C12orf54: variants seen among roughly 807,000 people sequenced by gnomAD.
C12orf54 encodes the protein chromosome 12 open reading frame 54.
Under a neutral mutation model 26.4 loss-of-function variants are expected in C12orf54, and 24 were observed. That is an observed-to-expected ratio of 0.91 (90% CI 0.66 to 1.28). C12orf54 has a LOEUF of 1.28. C12orf54 is among the 50% of genes most tolerant of loss of function. The pLI is 0.00. For synonymous variants in C12orf54, 54 were observed against 47.0 expected, an observed-to-expected ratio of 1.15 and a Z score of -0.61; for missense variants, 154 against 150.9, an observed-to-expected ratio of 1.02 and a Z score of -0.11.
the C12orf54 span, among the ~76,000 whole-genome samples, chr12:48,459,556 A>G: frequency 1.3e-5 from 2 of 152,116 alleles, no homozygotes; most frequent in South Asian, 4.1e-4. Flanking sequence ...TCATGTGAGT[A>G]AAAAAATAGA....
At chr12:48,457,281 TTGTTGGTGG>T in the C12orf54 span, among the ~76,000 whole-genome samples, 2 of 115,650 alleles carry the variant, frequency 1.7e-5, no homozygotes, top group Non-Finnish European at 3.7e-5. Flanking sequence ...TTTGTTGTTG[TTGTTGGTGG>T]TGGTGGTGGT....
chr12:48,488,495 AGAAAG>A, intron 4 of C12orf54: 2 of 334,116 alleles, frequency 6.0e-6, no homozygotes, highest in South Asian at 5.3e-5. Flanking sequence ...AAAAAAAAAA[AGAAAG>A]AAAGAAAAGA....
chr12:48,468,453 G>A, the C12orf54 span, among the ~76,000 whole-genome samples: 1 of 152,250 alleles, frequency 6.6e-6, no homozygotes, highest in South Asian at 2.1e-4. Flanking sequence ...AGGGTTTTGA[G>A]GAAGGCTGTG....
the C12orf54 span, among the ~76,000 whole-genome samples, chr12:48,413,443 C>T: frequency 0.14 from 21,723 of 152,194 alleles, 2,080 homozygotes; most frequent in Non-Finnish European, 0.22. Flanking sequence ...AAGAAGAGGG[C>T]GGTCCTGAGG....
the C12orf54 span, among the ~76,000 whole-genome samples, chr12:48,466,058 G>A: frequency 2.6e-5 from 4 of 152,082 alleles, no homozygotes; most frequent in African/African-American, 9.7e-5. Context: ...AGGAAAAATT[G>A]ATATATTGAA....
At chr12:48,431,403 CTT>C in the C12orf54 span, among the ~76,000 whole-genome samples, 43 of 152,212 alleles carry the variant, frequency 2.8e-4, no homozygotes, top group Non-Finnish European at 5.1e-4. Flanking sequence ...ATGTTGGAAA[CTT>C]TTCATTTTCA....
the C12orf54 span, among the ~76,000 whole-genome samples, chr12:48,441,827 C>A: frequency 6.6e-6 from 1 of 152,052 alleles, no homozygotes; most frequent in African/African-American, 2.4e-5. Context: ...ACCTTTTCTT[C>A]AGTATTTTTC....
At chr12:48,432,031 T>C in the C12orf54 span, among the ~76,000 whole-genome samples, 1 of 152,224 alleles carries the variant, frequency 6.6e-6, no homozygotes, top group East Asian at 1.9e-4. Flanking sequence ...AAAAAAATTA[T>C]AGTATCTCAC....
At chr12:48,462,078 A>G in the C12orf54 span, among the ~76,000 whole-genome samples, 3 of 151,554 alleles carry the variant, frequency 2.0e-5, no homozygotes, top group African/African-American at 7.2e-5. Flanking sequence ...TACAAATTGT[A>G]TAGATATGAA....
the C12orf54 span, chr12:48,472,575 T>C: frequency 6.7e-7 from 1 of 1,489,428 alleles, no homozygotes; most frequent in Non-Finnish European, 9.2e-7. Context: ...CCAGCAGAGC[T>C]GGTTGAGCTT....
At chr12:48,476,139 C>T in the C12orf54 span, among the ~76,000 whole-genome samples, 18 of 152,208 alleles carry the variant, frequency 1.2e-4, no homozygotes, top group Admixed American at 3.3e-4. Context: ...TCATATCAGC[C>T]AAACTAAGCT....
chr12:48,480,774 C>G (rs187854555), upstream of C12orf54, among the ~76,000 whole-genome samples: 2 of 152,130 alleles, frequency 1.3e-5, no homozygotes, highest in Non-Finnish European at 1.5e-5. Flanking sequence ...TATCGCAGCA[C>G]TATTCACAAT....
chr12:48,474,374 G>A, the C12orf54 span, among the ~76,000 whole-genome samples: 1 of 152,176 alleles, frequency 6.6e-6, no homozygotes, highest in Admixed American at 6.5e-5. Context: ...CATCTCACTG[G>A]GGAGTGCCAG....
the C12orf54 span, among the ~76,000 whole-genome samples, chr12:48,435,100 A>G: frequency 6.6e-6 from 1 of 152,242 alleles, no homozygotes; most frequent in South Asian, 2.1e-4. Flanking sequence ...TGGCACGAGA[A>G]CTACCTGACA....
chr12:48,453,377 G>A, the C12orf54 span, among the ~76,000 whole-genome samples: 2 of 151,394 alleles, frequency 1.3e-5, no homozygotes, highest in African/African-American at 4.8e-5. Flanking sequence ...CAGGAAGAAT[G>A]GCTAGTGGAT....
At chr12:48,480,140 G>T (rs1439327719), upstream of C12orf54, among the ~76,000 whole-genome samples, 1 of 152,102 alleles carries the variant, frequency 6.6e-6, no homozygotes, top group African/African-American at 2.4e-5. Flanking sequence ...CAATCAAGTT[G>T]GGCCAACCTT....
At chr12:48,435,180 A>T in the C12orf54 span, among the ~76,000 whole-genome samples, 1 of 152,228 alleles carries the variant, frequency 6.6e-6, no homozygotes, top group African/African-American at 2.4e-5. Flanking sequence ...GATGAAATGA[A>T]TGAAATGAAG....
the C12orf54 span, among the ~76,000 whole-genome samples, chr12:48,428,229 A>G: frequency 6.6e-6 from 1 of 152,018 alleles, no homozygotes; most frequent in African/African-American, 2.4e-5. Context: ...CTGAAAGAGC[A>G]CAAACTGACA....
chr12:48,419,789 C>G, the C12orf54 span, among the ~76,000 whole-genome samples: 1 of 152,120 alleles, frequency 6.6e-6, no homozygotes, highest in African/African-American at 2.4e-5. Context: ...GTACTCTGAC[C>G]CATTAACAAA....
Sources: allele counts gnomAD v4.1 joint callset (sites outside exome capture counted in the v4.1 genomes callset), GRCh38; gene constraint gnomAD v4.1.1; transcripts MANE v1.5; gene names NCBI Gene and HGNC (gene_info 2026-07-23, HGNC 2026-07-21).